The following ATP8A1 variants were observed in gnomAD, a reference collection of about 807,000 sequenced individuals.
The protein encoded by ATP8A1 is phospholipid-transporting ATPase IA.
Under a neutral mutation model 177.7 loss-of-function variants are expected in ATP8A1, and 90 were observed. The ratio of observed to expected loss-of-function variants is 0.51; its 90% CI spans 0.43 to 0.60. The LOEUF (loss-of-function observed/expected upper bound fraction) is 0.60. Ranked by LOEUF, ATP8A1 falls within the 20% of genes least tolerant of loss-of-function variation. ATP8A1 has a pLI of 0.00. For missense variants in ATP8A1, 1,072 were observed against 1,392.8 expected (o/e 0.77, Z 3.67); for synonymous variants, 493 against 485.9 (o/e 1.01, Z -0.19).
At chr4:42,637,098 G>C (rs1739470273) in intron 1 of ATP8A1, 2 of 517,538 alleles carry the variant, frequency 3.9e-6, no homozygotes, top group South Asian at 2.8e-5. Flanking sequence ...GCCCTACCCA[G>C]ACTGGCTAGC....
chr4:42,656,696 C>T, intron 1 of ATP8A1, 129 bp downstream of exon 1: 1 of 1,139,050 alleles, frequency 8.8e-7, no homozygotes, highest in Non-Finnish European at 1.2e-6. Flanking sequence ...CCCCTAGGGG[C>T]CGGGCGCGAC....
chr4:42,441,127 A>G (rs1560326962), intron 33 of ATP8A1, among the ~76,000 whole-genome samples: 1 of 152,166 alleles, frequency 6.6e-6, no homozygotes, highest in Non-Finnish European at 1.5e-5. Context: ...GGATATCATA[A>G]ACATGTCAAG....
At chr4:42,459,154 T>C (rs1718805438) in intron 27 of ATP8A1, among the ~76,000 whole-genome samples, 1 of 152,214 alleles carries the variant, frequency 6.6e-6, no homozygotes, top group Non-Finnish European at 1.5e-5. Context: ...TCCAGTAAAG[T>C]TTAGAACTCA....
chr4:42,570,937 ATTAC>A (rs1731841575), intron 14 of ATP8A1, among the ~76,000 whole-genome samples: 1 of 152,186 alleles, frequency 6.6e-6, no homozygotes, highest in African/African-American at 2.4e-5. Context: ...TGTCTGTATG[ATTAC>A]TTAATTAGCA....
At chr4:42,629,210 G>C (rs546158465) in intron 1 of ATP8A1, among the ~76,000 whole-genome samples, 4 of 152,082 alleles carry the variant, frequency 2.6e-5, no homozygotes, top group African/African-American at 9.7e-5. Context: ...GATTAGTAGG[G>C]GCCCAACCTA....
intron 20 of ATP8A1, among the ~76,000 whole-genome samples, chr4:42,531,549 T>C (rs1413542105): frequency 6.6e-6 from 1 of 152,106 alleles, no homozygotes; most frequent in African/African-American, 2.4e-5. Context: ...TTCAAAATAG[T>C]ACTGGAAGTC....
At chr4:42,500,859 AT>A (rs983010273) in intron 24 of ATP8A1, among the ~76,000 whole-genome samples, 24 of 151,938 alleles carry the variant, frequency 1.6e-4, no homozygotes, top group African/African-American at 5.1e-4. Context: ...CTGAAGAGTT[AT>A]TTTTTTTAAG....
intron 21 of ATP8A1, among the ~76,000 whole-genome samples, chr4:42,524,442 C>G (rs1054453011): frequency 1.4e-5 from 2 of 144,410 alleles, no homozygotes; most frequent in African/African-American, 5.1e-5. Context: ...TTGAGTCTTG[C>G]TTCTTTTCCT....
rs1342514729 is a variant in ATP8A1, at chr4:42,568,124, T to A, written c.1340+1037A>T. Among the ~76,000 whole-genome samples the A allele has an allele frequency of 2.0e-5, 3 of 152,200 alleles. No homozygotes were observed. In the East Asian group the frequency reaches 5.8e-4, roughly 29 times the overall value. The stretch of plus-strand genomic sequence containing the variant: ...ATTTAAAAATATTAAAAATTACTTG[T>A]GTGTAAGTGTCAAAATGTACGACAC... On this transcript the variant is annotated intron_variant, in intron 15 of 36. Transcript: ENST00000381668.
In ATP8A1 at chr4:42,502,225, C is replaced by G. The variant is rs535766552; in HGVS notation, c.2151+1225G>C. Among the ~76,000 whole-genome samples, 24 of 152,236 alleles carry G rather than the reference C, an allele frequency of 1.6e-4. No individual in the cohort carries two copies. The South Asian group carries it at 5.0e-3, about 32-fold the overall frequency. On this transcript the variant is annotated intron_variant, in intron 24 of 36. Coordinates refer to ENST00000381668, the MANE Select transcript of ATP8A1 (RefSeq NM_006095.2). ...GAAATTTAGTATTCAACTTGAGACT[C>G]CTACCAATGTTTGCTCTGGTAGAAA...
At position 42,591,591 on chromosome 4, in the gene ATP8A1, A is replaced by C. The variant is rs553057426; in HGVS notation, c.451-707T>G. On this transcript the variant is annotated intron_variant, in intron 6 of 36. Transcript: ENST00000381668. ...GAAGGGTAAGCCTTTGAATCCAGAG[A>C]AATTTTTTCAGAGAGGGTATGAAAT... 1.8e-4 allele frequency among the ~76,000 whole-genome samples: 28 copies of C among 152,234 alleles called. No individual in the cohort carries two copies. The South Asian group carries it at 5.6e-3, about 30-fold the overall frequency.
At chr4:42,589,403 T>C (rs1733937436) in intron 7 of ATP8A1, among the ~76,000 whole-genome samples, 1 of 152,196 alleles carries the variant, frequency 6.6e-6, no homozygotes, top group Non-Finnish European at 1.5e-5. Flanking sequence ...ACTTCCAACT[T>C]GTACATGTGC....
chr4:42,637,626 G>T (rs983018128), intron 1 of ATP8A1, among the ~76,000 whole-genome samples: 2 of 152,214 alleles, frequency 1.3e-5, no homozygotes, highest in Non-Finnish European at 1.5e-5. Context: ...GAGTCACTGA[G>T]CACCAAAGGC....
chr4:42,425,236 GAGA>G (rs1714456519), intron 33 of ATP8A1, among the ~76,000 whole-genome samples: 1 of 152,106 alleles, frequency 6.6e-6, no homozygotes, highest in African/African-American at 2.4e-5. Flanking sequence ...GGGGGGGCAA[GAGA>G]AGGAGGATTT....
chr4:42,654,703 C>T (rs1323223328), intron 1 of ATP8A1, among the ~76,000 whole-genome samples: 1 of 152,182 alleles, frequency 6.6e-6, no homozygotes, highest in Non-Finnish European at 1.5e-5. Context: ...ATATGATTAA[C>T]ACAGAGACTC....
Position 42,575,632 on chromosome 4 carries a change from T to A in ATP8A1, c.1196A>T (p.Glu399Val). ...AMARTSNLNE[E>V]LGQVKYIFSD... is the part of the protein sequence containing the mutation. ...ATAAATTGAGTTTACCTGGCCAAGTTCCTCATTCAGATTAGATGTTCGAGC... is the reference window on the plus strand; with the variant it reads ...ATAAATTGAGTTTACCTGGCCAAGTACCTCATTCAGATTAGATGTTCGAGC... Residue 399 changes from glutamate (E) to valine (V), a missense_variant, in exon 13 of 37, where the codon GAA (glutamate) becomes GTA (valine). Glu to Val is a moderately radical substitution (Grantham distance 121). Coordinates refer to ENST00000381668, the MANE Select transcript of ATP8A1 (RefSeq NM_006095.2). 6.2e-7 allele frequency: 1 copy of A among 1,613,506 alleles called. No homozygotes were observed. Among genetic ancestry groups the A allele is most frequent in the Non-Finnish European group, 8.5e-7 (1 of 1,179,614 alleles).
intron 5 of ATP8A1, 59 bp downstream of exon 5, chr4:42,615,973 GT>G: frequency 6.9e-7 from 1 of 1,454,098 alleles, no homozygotes; most frequent in Non-Finnish European, 9.6e-7. Context: ...TAATTGAAGT[GT>G]TTGTATATAC....
At chr4:42,533,904 T>C (rs577326255) in intron 20 of ATP8A1, among the ~76,000 whole-genome samples, 125 of 152,250 alleles carry the variant, frequency 8.2e-4, no homozygotes, top group Non-Finnish European at 1.6e-3. Context: ...GTGGGGTGGC[T>C]AGATCAAGAA....
Position 42,429,381 on chromosome 4 carries a change from G to T in ATP8A1, c.3124-5676C>A, listed in dbSNP as rs1021162640. Among the ~76,000 whole-genome samples, 76 of 150,230 alleles carry T rather than the reference G, an allele frequency of 5.1e-4. 1 individual carries two copies. The highest frequency in any genetic ancestry group is 1.6e-3 in the African/African-American group (65 of 41,230). ...AGGTATGATACCTGGAAATAAAAGT[G>T]TTTTGTTTTTTTTTTTGTGGTTGTG... On this transcript the variant is annotated intron_variant, in intron 33 of 36. Coordinates refer to ENST00000381668, the MANE Select transcript of ATP8A1 (RefSeq NM_006095.2).
Sources: allele counts gnomAD v4.1 joint callset (sites outside exome capture counted in the v4.1 genomes callset), GRCh38; gene constraint gnomAD v4.1.1; transcripts MANE v1.5; gene names NCBI Gene and HGNC (gene_info 2026-07-23, HGNC 2026-07-21).